Variants in FAM217A observed in about 807,000 individuals in gnomAD.
The protein encoded by FAM217A is family with sequence similarity 217 member A, also known as protein FAM217A.
FAM217A carries 13 observed loss-of-function variants against 18.5 expected under a neutral mutation model. The observed-to-expected ratio is 0.70, with a 90% CI of 0.46 to 1.12. FAM217A has a LOEUF of 1.12. FAM217A is among the 50% of genes most tolerant of loss of function. The pLI is 0.00. For missense variants in FAM217A, 560 were observed against 575.4 expected (o/e 0.97, Z 0.27); for synonymous variants, 161 against 202.8 (o/e 0.79, Z 1.75).
rs990283326 is a variant in FAM217A at position 4,068,643 on chromosome 6, G to A, written c.*53C>T. The stretch of plus-strand genomic sequence containing the variant: ...TCTTGGAATAATTAACCATATCTTA[G>A]TTGGGCTTCTTAGAGTAGATGTGTT... On this transcript the variant is annotated 3_prime_UTR_variant, in exon 7 of 7. Transcript: ENST00000274673. The A allele has an allele frequency of 1.9e-5, 29 of 1,516,418 alleles. No individual in the cohort carries two copies. Among genetic ancestry groups the A allele is most frequent in the Non-Finnish European group, 2.6e-5 (29 of 1,135,204 alleles). The allele number at this position is 1,516,418 out of a possible 1,614,324, so 93.9% of individuals were successfully genotyped here.
At chr6:4,073,622 T>A in intron 4 of FAM217A, 115 bp from the exon 5 acceptor site, 1 of 748,236 alleles carries the variant, frequency 1.3e-6, no homozygotes, top group East Asian at 2.8e-5. Flanking sequence ...GAATGACACT[T>A]TGTTTATATA....
chr6:4,081,090 G>C (rs550518815), upstream of FAM217A, among the ~76,000 whole-genome samples: 1 of 152,276 alleles, frequency 6.6e-6, no homozygotes, highest in African/African-American at 2.4e-5. Flanking sequence ...ATCTAACAGA[G>C]TGCCTGGCAT....
intron 2 of FAM217A, chr6:4,084,434 G>A (rs1770507069): frequency 1.7e-6 from 1 of 593,704 alleles, no homozygotes; most frequent in Admixed American, 3.0e-5. Flanking sequence ...CCTTTATTTT[G>A]ATTTAAGACT....
rs1189017021 is a variant in FAM217A, at chr6:4,069,431, T to C, written c.792A>G (p.Leu264=). Residue 264 remains leucine (L), a synonymous_variant, in exon 7 of 7, where the codon TTA becomes TTG. Coordinates refer to ENST00000274673, the MANE Select transcript of FAM217A (RefSeq NM_173563.3). ...PPFSALDLHN[L]ALSKSDNWKV... ...TCCAATTGTCAGATTTGGAGAGGGCTAAATTGTGCAAGTCTAGAGCACTGA... is the reference window on the plus strand; with the variant it reads ...TCCAATTGTCAGATTTGGAGAGGGCCAAATTGTGCAAGTCTAGAGCACTGA... 6.2e-7 allele frequency: 1 copy of C among 1,614,190 alleles called. No individual in the cohort carries two copies. Among genetic ancestry groups the C allele is most frequent in the Non-Finnish European group, 8.5e-7 (1 of 1,180,030 alleles).
chr6:4,079,202 T>G (rs1472249434), upstream of FAM217A: 3 of 289,812 alleles, frequency 1.0e-5, no homozygotes, highest in African/African-American at 2.3e-5. Flanking sequence ...TTCCACAAGG[T>G]CCACGCGTAT....
chr6:4,078,576 G>A (rs1770025250), intron 1 of FAM217A, among the ~76,000 whole-genome samples: 1 of 152,226 alleles, frequency 6.6e-6, no homozygotes, highest in African/African-American at 2.4e-5. Flanking sequence ...GCCACCGGGT[G>A]TGTGTCAAGA....
intron 1 of FAM217A, chr6:4,086,893 G>C (rs1351620790): frequency 7.5e-6 from 3 of 398,200 alleles, no homozygotes; most frequent in Admixed American, 8.8e-5. Context: ...TCTGCTTTTT[G>C]GTCTGCAATG....
chr6:4,084,559 T>C, intron 2 of FAM217A: 1 of 701,632 alleles, frequency 1.4e-6, no homozygotes, highest in Non-Finnish European at 2.6e-6. Flanking sequence ...TTGGTTAAAG[T>C]CTCAGTGTCA....
At chr6:4,086,769 C>T (rs1294439197) in intron 1 of FAM217A, among the ~76,000 whole-genome samples, 1 of 152,148 alleles carries the variant, frequency 6.6e-6, no homozygotes, top group Admixed American at 6.5e-5. Flanking sequence ...GTAACAAACT[C>T]TATTATTTGC....
upstream of FAM217A, among the ~76,000 whole-genome samples, chr6:4,083,756 A>G (rs1770462746): frequency 6.6e-6 from 1 of 151,866 alleles, no homozygotes; most frequent in Admixed American, 6.6e-5. Flanking sequence ...GTTTCACCAT[A>G]TTGGTCAGGC....
Position 4,069,676 on chromosome 6 carries a change from C to G in FAM217A, c.547G>C (p.Ala183Pro), listed in dbSNP as rs778322265. The change falls in exon 7 of 7, where the codon GCT (alanine) becomes CCT (proline). Residue 183 changes from alanine to proline, a missense_variant. Transcript: ENST00000274673. ...CCATGTTTCAAATTCCAATTTGGAGCAGGTAATGTTTCACCATCATTGTTT... is the reference window on the plus strand; with the variant it reads ...CCATGTTTCAAATTCCAATTTGGAGGAGGTAATGTTTCACCATCATTGTTT... The part of the protein sequence containing the change: ...IENNDGETLP[A>P]PNWNLKHGNS... 1 of 1,614,116 alleles carries G rather than the reference C, an allele frequency of 6.2e-7. No homozygotes were observed. The highest frequency in any genetic ancestry group is 8.5e-7 in the Non-Finnish European group (1 of 1,180,026).
chr6:4,086,970 T>C (rs951783522), intron 1 of FAM217A: 87 of 398,934 alleles, frequency 2.2e-4, no homozygotes, highest in African/African-American at 1.7e-3. Context: ...TGGTATTAGT[T>C]TGGATAAGAA....
At chr6:4,085,475 CAT>C (rs1274747085) in intron 1 of FAM217A, among the ~76,000 whole-genome samples, 6 of 152,034 alleles carry the variant, frequency 3.9e-5, no homozygotes, top group African/African-American at 1.2e-4. Flanking sequence ...TGACTAAGAA[CAT>C]ATGAGTCAAT....
In FAM217A at chr6:4,068,524, T is replaced by C; in HGVS notation, c.*172A>G. The C allele has an allele frequency of 1.6e-6, 1 of 612,058 alleles. No homozygotes were observed. The highest frequency in any genetic ancestry group is 2.7e-6 in the Non-Finnish European group (1 of 370,126). 37.9% of individuals were successfully genotyped at this position (612,058 alleles called of 1,614,324 possible). On this transcript the variant is annotated 3_prime_UTR_variant, in exon 7 of 7. Transcript: ENST00000274673. The stretch of plus-strand genomic sequence containing the variant: ...CAGTATAGAAGCCTGTGGGTTTATA[T>C]ATAGACATCTCAGCAGTGCTTTTCA...
chr6:4,079,148 C>T (rs1490752060), upstream of FAM217A: 2 of 338,128 alleles, frequency 5.9e-6, no homozygotes, highest in Non-Finnish European at 1.1e-5. Flanking sequence ...GGCCGGGTCT[C>T]CCGGCAACTA....
chr6:4,070,982 T>A (rs1769366549), intron 6 of FAM217A, among the ~76,000 whole-genome samples: 1 of 150,690 alleles, frequency 6.6e-6, no homozygotes, highest in African/African-American at 2.4e-5. Context: ...GGTGACAGAA[T>A]GAGGCCCTGT....
upstream of FAM217A, chr6:4,079,560 G>A (rs1770120351): frequency 7.9e-7 from 1 of 1,267,544 alleles, no homozygotes; most frequent in Admixed American, 2.3e-5. Context: ...CCTTCCCTGG[G>A]CCTCTCCAGG....
At chr6:4,075,214 A>G (rs1044480195) in intron 2 of FAM217A, among the ~76,000 whole-genome samples, 1 of 152,162 alleles carries the variant, frequency 6.6e-6, no homozygotes, top group Non-Finnish European at 1.5e-5. Context: ...CGCACCTGTA[A>G]TCCCAGCTGT....
chr6:4,080,923 AAGG>A (rs1183128317), upstream of FAM217A, among the ~76,000 whole-genome samples: 7 of 151,740 alleles, frequency 4.6e-5, no homozygotes, highest in South Asian at 4.2e-4. Context: ...AAAAAAAAAA[AAGG>A]AGAGAAAACA....
Sources: gnomAD v4.1 joint callset for allele counts (sites outside exome capture counted in the v4.1 genomes callset) on GRCh38, gnomAD v4.1.1 for gene constraint, MANE v1.5 for transcripts, NCBI Gene and HGNC (gene_info 2026-07-23, HGNC 2026-07-21) for gene names.